The following AP3B1 variants were observed in gnomAD, a reference collection of about 807,000 sequenced individuals.
AP3B1 encodes the protein adaptor related protein complex 3 subunit beta 1, also known as AP-3 complex subunit beta-1.
A neutral mutation model predicts 132.5 loss-of-function variants in AP3B1; 61 were observed. That is an observed-to-expected ratio of 0.46 (90% confidence interval 0.37 to 0.57). The LOEUF is 0.57. Ranked by LOEUF, AP3B1 falls within the 20% of genes least tolerant of loss-of-function variation. The pLI is 0.00. For missense variants in AP3B1, 1,120 were observed against 1,289.4 expected (o/e 0.87, Z 2.01); for synonymous variants, 388 against 438.3 (o/e 0.89, Z 1.43).
intron 22 of AP3B1, among the ~76,000 whole-genome samples, chr5:78,088,653 C>T (rs1354015092): frequency 5.3e-5 from 8 of 152,134 alleles, no homozygotes; most frequent in Admixed American, 5.2e-4. Flanking sequence ...TACCTATGCC[C>T]ATCAAAGCTT....
chr5:78,232,974 T>C (rs1257057325), intron 3 of AP3B1, among the ~76,000 whole-genome samples: 2 of 152,242 alleles, frequency 1.3e-5, no homozygotes, highest in Non-Finnish European at 2.9e-5. Context: ...CCCAAAGTGC[T>C]AGGATTACTG....
At chr5:78,006,368 A>C (rs1746395675) in intron 26 of AP3B1, among the ~76,000 whole-genome samples, 1 of 152,202 alleles carries the variant, frequency 6.6e-6, no homozygotes, top group Non-Finnish European at 1.5e-5. Flanking sequence ...CCATTTACCT[A>C]ATATACACAT....
chr5:78,079,938 T>C (rs1749919342), intron 22 of AP3B1, among the ~76,000 whole-genome samples: 1 of 152,234 alleles, frequency 6.6e-6, no homozygotes, highest in Non-Finnish European at 1.5e-5. Context: ...TATGTATGCA[T>C]CCATCAATTA....
In AP3B1 at chr5:78,062,931, G is replaced by T. The variant is rs368968657; in HGVS notation, c.2578-23657C>A. On this transcript the variant is annotated intron_variant, in intron 22 of 26. Transcript: ENST00000255194. ...TGATGGGCCCCACTCAATGTGATGA[G>T]GTCAAATGCTTGTTTCTACCCACTG... Among the ~76,000 whole-genome samples the T allele has an allele frequency of 5.3e-5, 8 of 152,252 alleles. No individual in the cohort carries two copies. The South Asian group carries it at 1.0e-3, about 20-fold the overall frequency.
intron 24 of AP3B1, among the ~76,000 whole-genome samples, chr5:78,025,649 G>A (rs1234457923): frequency 1.3e-5 from 2 of 152,164 alleles, no homozygotes; most frequent in East Asian, 3.9e-4. Context: ...GCCATCTTGT[G>A]ATCACGAAGT....
chr5:78,184,436 C>T (rs1273528865), intron 7 of AP3B1, among the ~76,000 whole-genome samples: 1 of 151,842 alleles, frequency 6.6e-6, no homozygotes, highest in Non-Finnish European at 1.5e-5. Context: ...GCCTGTAATC[C>T]CAGCACTTTG....
In AP3B1 at chr5:78,113,642, A is replaced by C. The variant is rs542776565; in HGVS notation, c.2249+110T>G. The C allele has an allele frequency of 1.3e-5, 17 of 1,267,886 alleles. No homozygotes were observed. In the East Asian group the frequency reaches 4.0e-4, roughly 29 times the overall value. 78.5% of individuals were successfully genotyped at this position (1,267,886 alleles called of 1,614,324 possible). ...TTAAAAAGATTTAATATCTGGAAAA[A>C]AATACACACTTTTTTTCTCTCACCA... On this transcript the variant is annotated intron_variant, in intron 19 of 26. Coordinates refer to ENST00000255194, the MANE Select transcript of AP3B1 (RefSeq NM_003664.5).
At chr5:78,143,414 A>G (rs906726226) in intron 14 of AP3B1, among the ~76,000 whole-genome samples, 1 of 148,810 alleles carries the variant, frequency 6.7e-6, no homozygotes, top group Admixed American at 6.9e-5. Flanking sequence ...GTTTTCTAGA[A>G]CTGAGCTAAT....
intron 7 of AP3B1, among the ~76,000 whole-genome samples, chr5:78,202,806 TTA>T (rs984400185): frequency 9.2e-5 from 14 of 152,286 alleles, no homozygotes; most frequent in African/African-American, 3.4e-4. Context: ...TGTGAAAATT[TTA>T]TGTCAACAAA....
intron 14 of AP3B1, among the ~76,000 whole-genome samples, chr5:78,148,283 A>G (rs913935439): frequency 2.0e-5 from 3 of 152,132 alleles, no homozygotes; most frequent in African/African-American, 4.8e-5. Context: ...TTACTAGCAC[A>G]AGTTTTAACT....
intron 17 of AP3B1, among the ~76,000 whole-genome samples, chr5:78,127,226 C>T (rs1343251131): frequency 6.6e-6 from 1 of 152,130 alleles, no homozygotes; most frequent in African/African-American, 2.4e-5. Flanking sequence ...TAGTAAAGAA[C>T]CCCAGTTATC....
At chr5:78,160,867 C>T (rs1409178569) in intron 13 of AP3B1, among the ~76,000 whole-genome samples, 1 of 151,744 alleles carries the variant, frequency 6.6e-6, no homozygotes, top group Non-Finnish European at 1.5e-5. Flanking sequence ...TTTACTGAGC[C>T]AGACTTCCAA....
intron 7 of AP3B1, among the ~76,000 whole-genome samples, chr5:78,198,072 A>C (rs1169368786): frequency 1.3e-5 from 2 of 152,216 alleles, no homozygotes; most frequent in South Asian, 2.1e-4. Context: ...GGGAATTATT[A>C]TTCTTTATCC....
intron 22 of AP3B1, among the ~76,000 whole-genome samples, chr5:78,086,793 A>T (rs1277454557): frequency 6.6e-6 from 1 of 152,224 alleles, no homozygotes; most frequent in Admixed American, 6.5e-5. Context: ...AACACGTTGG[A>T]CAACGTGCTT....
At chr5:78,147,183 C>T (rs192460811) in intron 14 of AP3B1, among the ~76,000 whole-genome samples, 65 of 152,060 alleles carry the variant, frequency 4.3e-4, no homozygotes, top group African/African-American at 1.6e-3. Context: ...ATTTGGTTGC[C>T]ATATTTTTTG....
chr5:78,061,966 C>T (rs1749080032), intron 22 of AP3B1, among the ~76,000 whole-genome samples: 1 of 152,216 alleles, frequency 6.6e-6, no homozygotes, highest in African/African-American at 2.4e-5. Flanking sequence ...CTAGCTACTG[C>T]ACCTGTATCC....
At chr5:78,229,739 CA>C (rs750333386) in intron 3 of AP3B1, among the ~76,000 whole-genome samples, 19 of 150,928 alleles carry the variant, frequency 1.3e-4, no homozygotes, top group African/African-American at 4.6e-4. Flanking sequence ...GACTCTGTCT[CA>C]AAAATTTAAA....
intron 2 of AP3B1, among the ~76,000 whole-genome samples, chr5:78,265,496 C>A (rs768310399): frequency 6.6e-6 from 1 of 152,034 alleles, no homozygotes; most frequent in Non-Finnish European, 1.5e-5. Flanking sequence ...GTGGTTTGAA[C>A]AGAACTTGTT....
intron 15 of AP3B1, among the ~76,000 whole-genome samples, chr5:78,139,508 A>G (rs1753057165): frequency 6.6e-6 from 1 of 152,260 alleles, no homozygotes; most frequent in East Asian, 1.9e-4. Context: ...AAGATGACTT[A>G]AAATGTAAAG....
Sources: allele counts gnomAD v4.1 joint callset (sites outside exome capture counted in the v4.1 genomes callset), GRCh38; gene constraint gnomAD v4.1.1; transcripts MANE v1.5; gene names NCBI Gene and HGNC (gene_info 2026-07-23, HGNC 2026-07-21).